RAD50: variants seen among roughly 807,000 people sequenced by gnomAD.
RAD50 encodes the protein RAD50 double strand break repair protein.
A neutral mutation model predicts 168.8 loss-of-function variants in RAD50; 132 were observed. That is an observed-to-expected ratio of 0.78 (90% confidence interval 0.68 to 0.90). The LOEUF is 0.90. Among genes scored for constraint, RAD50 ranks in the 40% least tolerant of loss-of-function variants. RAD50 has a pLI of 0.00. For missense variants in RAD50, 1,347 were observed against 1,534.4 expected, an observed-to-expected ratio of 0.88 and a Z score of 2.04; for synonymous variants, 525 against 497.4, an observed-to-expected ratio of 1.06 and a Z score of -0.74.
Position 132,608,657 on chromosome 5 carries a change from A to C in RAD50, c.2761A>C (p.Lys921Gln). The C allele has an allele frequency of 6.2e-7, 1 of 1,600,456 alleles. No individual in the cohort carries two copies. Among genetic ancestry groups the C allele is most frequent in the Non-Finnish European group, 8.5e-7 (1 of 1,173,548 alleles). Residue 921 changes from lysine (K) to glutamine (Q), a missense_variant, in exon 17 of 25, where the codon AAG becomes CAG. Transcript: ENST00000378823. ...AAGCCCTTTGGAAACAACATTGGAA[A>C]AGTTCCAGCAAGAAAAAGAAGAATT... The part of the protein sequence containing the change: ...QVSPLETTLE[K>Q]FQQEKEELIN...
At chr5:132,558,443 G>C (rs368566749) in intron 1 of RAD50, among the ~76,000 whole-genome samples, 2 of 152,298 alleles carry the variant, frequency 1.3e-5, no homozygotes, top group African/African-American at 4.8e-5. Flanking sequence ...GGGCACGGTG[G>C]CTCACGCCTG....
intron 2 of RAD50, among the ~76,000 whole-genome samples, chr5:132,571,286 G>A (rs988352587): frequency 6.6e-6 from 1 of 152,130 alleles, no homozygotes; most frequent in African/African-American, 2.4e-5. Flanking sequence ...TAGATGCAGG[G>A]TTGCCACAAA....
chr5:132,568,194 C>T (rs1750241627), intron 2 of RAD50, among the ~76,000 whole-genome samples: 1 of 152,060 alleles, frequency 6.6e-6, no homozygotes, highest in African/African-American at 2.4e-5. Flanking sequence ...CCTCAGCCTC[C>T]CGAGTAGCTG....
Position 132,604,969 on chromosome 5 carries a change from T to G in RAD50, c.2688T>G (p.Thr896=). ...AGGAGCAGACTGTGGAATTATCCAC[T>G]GAAGTTCAGTCTTTGTACAGAGAGA... ...QLEEQTVELS[T]EVQSLYREIK... The change falls in exon 16 of 25, where the codon ACT becomes ACG. Residue 896 remains threonine (T), a synonymous_variant. Transcript: ENST00000378823. 2 of 1,613,600 alleles carry G rather than the reference T, an allele frequency of 1.2e-6. No homozygotes were observed. Among genetic ancestry groups the G allele is most frequent in the Non-Finnish European group, 1.7e-6 (2 of 1,179,490 alleles).
chr5:132,627,503 A>G (rs1322948810), intron 21 of RAD50, among the ~76,000 whole-genome samples: 2 of 152,196 alleles, frequency 1.3e-5, no homozygotes, highest in Non-Finnish European at 1.5e-5. Flanking sequence ...CTGATTGATG[A>G]GAAGGGAGCA....
chr5:132,627,906 G>GAGA (rs1488207073), intron 21 of RAD50, among the ~76,000 whole-genome samples: 4 of 152,226 alleles, frequency 2.6e-5, no homozygotes, highest in Non-Finnish European at 5.9e-5. Flanking sequence ...TGAAAATGGA[G>GAGA]AGAAGTGATA....
intron 19 of RAD50, among the ~76,000 whole-genome samples, 175 bp downstream of exon 19, chr5:132,609,571 C>G (rs1364198418): frequency 2.0e-5 from 3 of 152,056 alleles, no homozygotes; most frequent in Non-Finnish European, 4.4e-5. Flanking sequence ...CACTTGAGGC[C>G]AGGAGATCAA....
chr5:132,589,625 A>G lies in RAD50; in HGVS notation c.1246-6A>G. 1 of 1,562,434 alleles carries G rather than the reference A, an allele frequency of 6.4e-7. No homozygotes were observed. The highest frequency in any genetic ancestry group is 8.7e-7 in the Non-Finnish European group (1 of 1,149,328). ...ATTAATGCTCATTCTTTACATATGC[A>G]TTTAGAATGACTTTGCAGAAAAAGA... On this transcript the variant is annotated splice_region_variant and splice_polypyrimidine_tract_variant and intron_variant, in intron 8 of 24. Coordinates refer to ENST00000378823, the MANE Select transcript of RAD50 (RefSeq NM_005732.4).
rs1751799226 is a variant in RAD50 at position 132,644,030 on chromosome 5, C to T, written c.*1666C>T. On this transcript the variant is annotated 3_prime_UTR_variant, in exon 25 of 25. Transcript: ENST00000378823. ...CAAAATTAAACAGTCATCTTAACTG[C>T]AAAATAAAACATTTCTCAGTAAATA... The T allele has an allele frequency of 4.6e-6, 1 of 217,288 alleles. No homozygotes were observed. Among genetic ancestry groups the T allele is most frequent in the Non-Finnish European group, 9.3e-6 (1 of 108,068 alleles). The allele number at this position is 217,288 out of a possible 1,614,324, so 13.5% of individuals were successfully genotyped here. A position where few individuals can be genotyped will look rare whatever the true frequency, so the allele number is the denominator to read the frequency against.
intron 9 of RAD50, 26 bp downstream of exon 9, chr5:132,589,863 T>C: frequency 6.4e-7 from 1 of 1,558,244 alleles, no homozygotes; most frequent in Non-Finnish European, 8.8e-7. Context: ...AATAATCTAA[T>C]AATTTTAAGA....
intron 21 of RAD50, among the ~76,000 whole-genome samples, chr5:132,630,188 G>A (rs570561148): frequency 6.6e-4 from 101 of 151,906 alleles, no homozygotes; most frequent in Non-Finnish European, 1.2e-3. Flanking sequence ...GATTACAGGC[G>A]CCTGCCACCA....
Position 132,637,179 on chromosome 5 carries a change from C to G in RAD50, c.3454C>G (p.Arg1152Gly). Reference sequence around the variant, plus strand: ...CAATAAAATTATACGTGACCTGTGGCGAAGTACCTATCGTGGACAAGGTGA... The same window carrying G: ...CAATAAAATTATACGTGACCTGTGGGGAAGTACCTATCGTGGACAAGGTGA... ...EINKIIRDLWRSTYRGQDIEY... is the reference protein window; with the variant it reads ...EINKIIRDLWGSTYRGQDIEY... The change falls in exon 22 of 25, where the codon CGA becomes GGA. Residue 1152 changes from arginine to glycine, a missense_variant. Arg to Gly is a moderately radical substitution (Grantham distance 125). This residue lies in a region of RAD50 where 635 missense variants were observed against 739.2 expected (regional missense o/e 0.86). Coordinates refer to ENST00000378823, the MANE Select transcript of RAD50 (RefSeq NM_005732.4). 6.2e-7 allele frequency: 1 copy of G among 1,611,958 alleles called. No homozygotes were observed. Among genetic ancestry groups the G allele is most frequent in the South Asian group, 1.1e-5 (1 of 91,022 alleles).
chr5:132,578,556 A>G (rs1232600740), intron 3 of RAD50, among the ~76,000 whole-genome samples: 28 of 99,100 alleles, frequency 2.8e-4, no homozygotes, highest in African/African-American at 1.2e-3. Flanking sequence ...TTTGAGACAG[A>G]GTTTCGCTCT....
In RAD50 at chr5:132,644,147, G is replaced by A. The variant is rs1386942258; in HGVS notation, c.*1783G>A. On this transcript the variant is annotated 3_prime_UTR_variant, in exon 25 of 25. Transcript: ENST00000378823. ...AGGCAATACACGATCAATATAGGCA[G>A]TGAAACAAAAGTATCATTTGCAAGT... 1 of 184,458 alleles carries A rather than the reference G, an allele frequency of 5.4e-6. No homozygotes were observed. Among genetic ancestry groups the A allele is most frequent in the Non-Finnish European group, 1.1e-5 (1 of 87,082 alleles). The allele number at this position is 184,458 out of a possible 1,614,324, so 11.4% of individuals were successfully genotyped here.
At chr5:132,630,066 G>C (rs1751436292) in intron 21 of RAD50, among the ~76,000 whole-genome samples, 1 of 144,428 alleles carries the variant, frequency 6.9e-6, no homozygotes, top group African/African-American at 2.6e-5. Context: ...TTTTGAGACA[G>C]AGTTTCGCTC....
chr5:132,584,477 G>A (rs1284692344), intron 5 of RAD50, among the ~76,000 whole-genome samples: 1 of 152,098 alleles, frequency 6.6e-6, no homozygotes, highest in East Asian at 1.9e-4. Context: ...CACTCTGATG[G>A]TAGTTTCTTT....
At chr5:132,615,872 T>C (rs975557389) in intron 19 of RAD50, 131 bp from the exon 20 acceptor site, 14 of 923,404 alleles carry the variant, frequency 1.5e-5, no homozygotes, top group Non-Finnish European at 2.4e-5. Flanking sequence ...CACTGGCTTA[T>C]TCTCCCTCTG....
chr5:132,592,984 A>G (rs943673496), intron 11 of RAD50: 16 of 422,542 alleles, frequency 3.8e-5, no homozygotes, highest in Admixed American at 1.0e-4. Context: ...GGTGTTGGCT[A>G]TTGTTTCTGC....
intron 23 of RAD50, 80 bp downstream of exon 23, chr5:132,638,303 C>T: frequency 1.3e-6 from 2 of 1,519,096 alleles, no homozygotes; most frequent in Non-Finnish European, 1.8e-6. Flanking sequence ...AGTGGAAGCA[C>T]CCAAGGCTAC....
Sources: gnomAD v4.1 joint callset for allele counts (sites outside exome capture counted in the v4.1 genomes callset) on GRCh38, gnomAD v4.1.1 for gene constraint, gnomAD v4.1.1 regional missense constraint, MANE v1.5 for transcripts, NCBI Gene and HGNC (gene_info 2026-07-23, HGNC 2026-07-21) for gene names.